GFRA2: variants seen among roughly 807,000 people sequenced by gnomAD.
The protein encoded by GFRA2 is GDNF family receptor alpha-2.
In GFRA2, 17 loss-of-function variants were observed where a neutral mutation model predicts 48.3. The ratio of observed to expected loss-of-function variants is 0.35; its 90% CI spans 0.24 to 0.53. GFRA2 has a LOEUF of 0.53. Ranked by LOEUF, GFRA2 falls within the 20% of genes least tolerant of loss-of-function variation. The probability of loss-of-function intolerance (pLI) is 0.93; values close to 1 mark genes in which losing one functional copy is unlikely to be tolerated. For synonymous variants in GFRA2, 305 were observed against 257.2 expected (o/e 1.19, Z -1.78); for missense variants, 660 against 637.3 (o/e 1.04, Z -0.38).
intron 3 of GFRA2, among the ~76,000 whole-genome samples, chr8:21,757,514 T>TTTTTTTTTTTTTTTTTTTG (rs1805628581): frequency 6.6e-6 from 1 of 151,862 alleles, no homozygotes; most frequent in African/African-American, 2.4e-5. Flanking sequence ...TCCTTTTTTT[T>TTTTTTTTTTTTTTTTTTTG]GAATGGAGTT....
chr8:21,792,463 G>A (rs368882890), upstream of GFRA2, among the ~76,000 whole-genome samples: 597 of 152,318 alleles, frequency 3.9e-3, 6 homozygotes, highest in Middle Eastern at 0.034. Flanking sequence ...CAATCCATCA[G>A]CACAGACTTA....
chr8:21,709,758 C>T (rs747520156), intron 4 of GFRA2, among the ~76,000 whole-genome samples: 1 of 152,186 alleles, frequency 6.6e-6, no homozygotes, highest in Non-Finnish European at 1.5e-5. Flanking sequence ...AGCCTTGCTT[C>T]CCTCCCGCAA....
intron 7 of GFRA2, among the ~76,000 whole-genome samples, chr8:21,699,649 C>G (rs1802373250): frequency 6.6e-6 from 1 of 152,202 alleles, no homozygotes; most frequent in African/African-American, 2.4e-5. Flanking sequence ...CCACGAGTCT[C>G]TAACAAACCT....
rs149872657 is a variant in GFRA2, at chr8:21,734,774, C to A, written c.794+15814G>T. On this transcript the variant is annotated intron_variant, in intron 4 of 8. Transcript: ENST00000524240. ...CTCTCTGGACTTCAGCTTCTTTCGT[C>A]TATCAGATGAAATTCTGCTGTGATG... is the stretch of plus-strand genomic sequence containing the variant. Among the ~76,000 whole-genome samples the A allele has an allele frequency of 2.4e-3, 360 of 152,354 alleles. 1 individual carries two copies. Among genetic ancestry groups the A allele is most frequent in the African/African-American group, 8.3e-3 (344 of 41,588 alleles).
At chr8:21,755,370 A>G (rs1047998397) in intron 3 of GFRA2, among the ~76,000 whole-genome samples, 1 of 152,190 alleles carries the variant, frequency 6.6e-6, no homozygotes, top group Non-Finnish European at 1.5e-5. Flanking sequence ...CTATGAACCT[A>G]AAACCACTCT....
intron 4 of GFRA2, among the ~76,000 whole-genome samples, chr8:21,712,977 G>T (rs1049199450): frequency 6.6e-6 from 1 of 151,472 alleles, no homozygotes; most frequent in East Asian, 2.0e-4. Flanking sequence ...GCTTCGGCTC[G>T]GCATCAGAGG....
chr8:21,740,427 A>C (rs2117545982), intron 4 of GFRA2, among the ~76,000 whole-genome samples: 1 of 152,316 alleles, frequency 6.6e-6, no homozygotes, highest in Admixed American at 6.5e-5. Context: ...CTTCTGTGTA[A>C]GAGTCACCAA....
intron 4 of GFRA2, among the ~76,000 whole-genome samples, chr8:21,735,908 T>TC (rs142413600): frequency 0.011 from 1,740 of 152,132 alleles, 17 homozygotes; most frequent in Non-Finnish European, 0.016. Context: ...CCTGCCTCCC[T>TC]CTTCAAAGTG....
chr8:21,801,625 C>A (rs1015418963), intron 2 of GFRA2, among the ~76,000 whole-genome samples: 1 of 136,982 alleles, frequency 7.3e-6, no homozygotes, highest in East Asian at 2.3e-4. Flanking sequence ...TTCAATGGAA[C>A]AAGGCATTAG....
intron 3 of GFRA2, among the ~76,000 whole-genome samples, chr8:21,758,821 C>T (rs547807065): frequency 1.3e-5 from 2 of 152,194 alleles, no homozygotes; most frequent in African/African-American, 4.8e-5. Context: ...ACAGGTCCAC[C>T]GTGGCAGGCT....
chr8:21,706,482 G>A, intron 4 of GFRA2: 3 of 457,310 alleles, frequency 6.6e-6, no homozygotes, highest in South Asian at 4.6e-5. Flanking sequence ...CAGCAAAACA[G>A]GTGACTAGTC....
At chr8:21,733,756 G>T (rs115962499) in intron 4 of GFRA2, among the ~76,000 whole-genome samples, 216 of 152,286 alleles carry the variant, frequency 1.4e-3, no homozygotes, top group African/African-American at 4.9e-3. Context: ...TGGGATAGAG[G>T]CTGAGGTTTG....
chr8:21,739,614 A>C (rs1804651784), intron 4 of GFRA2, among the ~76,000 whole-genome samples: 1 of 152,164 alleles, frequency 6.6e-6, no homozygotes, highest in South Asian at 2.1e-4. Context: ...CAGGACACCC[A>C]GGCGCCACAA....
intron 2 of GFRA2, among the ~76,000 whole-genome samples, chr8:21,804,790 C>T (rs903040969): frequency 6.6e-6 from 1 of 152,098 alleles, no homozygotes; most frequent in Non-Finnish European, 1.5e-5. Context: ...GGCTTCTGGG[C>T]TCATAAGCTC....
rs531507245 is a variant in GFRA2, at chr8:21,750,088, TACAC to T, written c.794+496_794+499del. Among the ~76,000 whole-genome samples the T allele has an allele frequency of 2.5e-3, 371 of 147,544 alleles. No individual in the cohort carries two copies. Among genetic ancestry groups the T allele is most frequent in the Non-Finnish European group, 3.5e-3 (233 of 66,484 alleles). ...GTGTATATATGTGTGTGTGTGTGTA[TACAC>T]ACACACACACACACACACGCACATA... is the stretch of plus-strand genomic sequence containing the variant. On this transcript the variant is annotated intron_variant, in intron 4 of 8. Coordinates refer to ENST00000524240, the MANE Select transcript of GFRA2 (RefSeq NM_001495.5). This position sits in a 1 kb window ranked among gnomAD's most constrained non-coding sequence, Gnocchi z 5.7.
intron 4 of GFRA2, among the ~76,000 whole-genome samples, chr8:21,740,300 C>A (rs1348539087): frequency 6.6e-6 from 1 of 152,202 alleles, no homozygotes; most frequent in Non-Finnish European, 1.5e-5. Context: ...ATGTCTCCAC[C>A]CAAAGGGCAA....
intron 4 of GFRA2, among the ~76,000 whole-genome samples, chr8:21,741,920 C>CAAAA (rs74424608): frequency 6.7e-5 from 7 of 105,134 alleles, no homozygotes; most frequent in Admixed American, 1.1e-4. Flanking sequence ...GACTCCATCT[C>CAAAA]AAAAAAAAAA....
At chr8:21,704,894 C>T in intron 6 of GFRA2, 91 bp downstream of exon 6, 3 of 1,021,140 alleles carry the variant, frequency 2.9e-6, no homozygotes, top group Admixed American at 3.9e-5. Context: ...CATCACCAGC[C>T]ATCCCCACGG....
At chr8:21,743,780 C>T (rs1229861485) in intron 4 of GFRA2, among the ~76,000 whole-genome samples, 2 of 152,246 alleles carry the variant, frequency 1.3e-5, no homozygotes, top group African/African-American at 4.8e-5. Flanking sequence ...TCACAGCCCT[C>T]TTTGCTACTG....
Sources: gnomAD v4.1 joint callset for allele counts (sites outside exome capture counted in the v4.1 genomes callset) on GRCh38, gnomAD v4.1.1 for gene constraint, Gnocchi (gnomAD v3.1) non-coding constraint, MANE v1.5 for transcripts, NCBI Gene and HGNC (gene_info 2026-07-23, HGNC 2026-07-21) for gene names.